The following SNW1 variants were observed in gnomAD, a reference collection of about 807,000 sequenced individuals.
SNW1 encodes the protein SNW domain containing 1.
A neutral mutation model predicts 75.6 loss-of-function variants in SNW1; 9 were observed. That is an observed-to-expected ratio of 0.12 (90% CI 0.07 to 0.21). SNW1 has a LOEUF of 0.21. SNW1 is among the 10% of genes least tolerant of loss of function. The pLI is 1.00. For synonymous variants in SNW1, 200 were observed against 219.1 expected (o/e 0.91, Z 0.77); for missense variants, 409 against 670.9 (o/e 0.61, Z 4.31).
At chr14:77,728,598 T>C (rs2080604597) in intron 10 of SNW1, among the ~76,000 whole-genome samples, 1 of 152,196 alleles carries the variant, frequency 6.6e-6, no homozygotes, top group East Asian at 1.9e-4. Context: ...TTCCACTGCA[T>C]TTATATCTAT....
chr14:77,756,955 C>T (rs974378202), intron 1 of SNW1, among the ~76,000 whole-genome samples: 3 of 152,164 alleles, frequency 2.0e-5, no homozygotes, highest in Non-Finnish European at 4.4e-5. Context: ...GCAGCTTATT[C>T]TTTAGTCAAG....
intron 1 of SNW1, among the ~76,000 whole-genome samples, chr14:77,759,682 A>G (rs1247993338): frequency 1.3e-5 from 2 of 152,130 alleles, no homozygotes; most frequent in East Asian, 1.9e-4. Flanking sequence ...AACATTTACT[A>G]AACAAACTCT....
In SNW1 at chr14:77,718,376, T is replaced by C; in HGVS notation, c.1403A>G (p.Lys468Arg). 1.2e-6 allele frequency: 2 copies of C among 1,614,226 alleles called. No individual in the cohort carries two copies. Among genetic ancestry groups the C allele is most frequent in the Non-Finnish European group, 1.7e-6 (2 of 1,180,034 alleles). The change falls in exon 13 of 14, where the codon AAG becomes AGG. Residue 468 changes from lysine (K) to arginine (R), a missense_variant. Physicochemically the swap from Lys to Arg is conservative, Grantham distance 26. This residue lies in a region of SNW1 where 126 missense variants were observed against 167.6 expected (regional missense o/e 0.75). Transcript: ENST00000261531. ...MYGDDLEARI[K>R]TNRFVPDKEF... ...TTGTATGGCTTGGCACCTGTTGGTC[T>C]TTATTCTGGCTTCTAGGTCATCACC...
chr14:77,739,062 C>CTAA lies in SNW1; in HGVS notation c.331-4_331-2dup. 6.2e-7 allele frequency: 1 copy of CTAA among 1,609,618 alleles called. No homozygotes were observed. Among genetic ancestry groups the CTAA allele is most frequent in the Non-Finnish European group, 8.5e-7 (1 of 1,176,692 alleles). On this transcript the variant is annotated splice_acceptor_variant, in intron 3 of 13. Transcript: ENST00000261531. LOFTEE classifies it high-confidence loss of function. ...GGTCAGTGTATTTGCTATAAATGAC[C>CTAA]TAAAATGTTCAAACACAAGCAGGCT...
intron 8 of SNW1, among the ~76,000 whole-genome samples, chr14:77,733,742 C>CAAAAAAAAAAAAAAAAAAAAA: frequency 1.5e-5 from 1 of 64,856 alleles, no homozygotes; most frequent in South Asian, 7.8e-4. Flanking sequence ...GAGACCGTCT[C>CAAAAAAAAAAAAAAAAAAAAA]AAAAAAAAAA....
rs2080888468 is a variant in SNW1 at position 77,761,127 on chromosome 14, TCTTCTTCCG to T, written c.-9_-1del. 1.2e-6 allele frequency: 2 copies of T among 1,614,230 alleles called. No homozygotes were observed. Among genetic ancestry groups the T allele is most frequent in the South Asian group, 2.2e-5 (2 of 91,080 alleles). ...TCAACAACCCACCTGGTGAGCGCCATCTTCTTCCGCTTCTTCCAGCGCGAGCGACAGCAC... is the reference window on the plus strand; with the variant it reads ...TCAACAACCCACCTGGTGAGCGCCATCTTCTTCCAGCGCGAGCGACAGCAC... On this transcript the variant is annotated 5_prime_UTR_variant, in exon 1 of 14. Transcript: ENST00000261531.
intron 8 of SNW1, among the ~76,000 whole-genome samples, chr14:77,733,422 A>G (rs116110293): frequency 0.011 from 1,600 of 152,260 alleles, 35 homozygotes; most frequent in African/African-American, 0.037. Flanking sequence ...ATGATCTGTT[A>G]TATTCTTAGA....
intron 3 of SNW1, among the ~76,000 whole-genome samples, chr14:77,741,968 C>T (rs2080722640): frequency 6.6e-6 from 1 of 152,052 alleles, no homozygotes; most frequent in Admixed American, 6.6e-5. Flanking sequence ...TCTAGTATCT[C>T]ACAAGGCTGA....
chr14:77,736,587 G>C (rs2080674596), intron 6 of SNW1, among the ~76,000 whole-genome samples: 1 of 135,906 alleles, frequency 7.4e-6, no homozygotes, highest in Admixed American at 7.1e-5. Flanking sequence ...AACAAAAAAA[G>C]GCAGCTTTAT....
chr14:77,746,423 G>A lies in SNW1; in HGVS notation c.330+4896C>T, dbSNP rs183909210. 7.9e-3 allele frequency among the ~76,000 whole-genome samples: 1,194 copies of A among 151,946 alleles called. 12 individuals carry two copies. The highest frequency in any genetic ancestry group is 0.028 in the African/African-American group (1,148 of 41,554). On this transcript the variant is annotated intron_variant, in intron 3 of 13. Transcript: ENST00000261531. ...TACTTGAGAAGTGTTAAGGAAATAA[G>A]ATCGTTCACAGAGAATAAATAGATG...
At position 77,754,034 on chromosome 14, in the gene SNW1, CTTTTTA is replaced by C. The variant is rs1448646112; in HGVS notation, c.168+927_168+932del. Among the ~76,000 whole-genome samples, 7 of 151,490 alleles carry C rather than the reference CTTTTTA, an allele frequency of 4.6e-5. No individual in the cohort carries two copies. In the South Asian group the frequency reaches 6.3e-4, roughly 14 times the overall value. On this transcript the variant is annotated intron_variant, in intron 2 of 13. Coordinates refer to ENST00000261531, the MANE Select transcript of SNW1 (RefSeq NM_012245.3). ...ATAGGTGCTGCCAAGGAAGCTTGTT[CTTTTTA>C]TTTTTATTTTTTATTTTTTTTGAGA...
intron 1 of SNW1, 126 bp downstream of exon 1, chr14:77,760,988 C>G (rs1196189473): frequency 1.1e-5 from 17 of 1,608,098 alleles, no homozygotes; most frequent in Non-Finnish European, 1.1e-5. Flanking sequence ...AGGGCGTAGC[C>G]GTAGTCTTGG....
At position 77,730,852 on chromosome 14, in the gene SNW1, A is replaced by T; in HGVS notation, c.1033+136T>A. 3.4e-6 allele frequency: 3 copies of T among 882,146 alleles called. 1 individual carries two copies. In the South Asian group the frequency reaches 5.4e-5, roughly 16 times the overall value. 54.6% of individuals were successfully genotyped at this position (882,146 alleles called of 1,614,324 possible). On this transcript the variant is annotated intron_variant, in intron 10 of 13. Transcript: ENST00000261531. ...CTTACTAAGGCAGAGATTACTCTCC[A>T]TTTCTACACTATATCTGATGTATCT... is the stretch of plus-strand genomic sequence containing the variant.
chr14:77,720,436 C>T (rs1007511994), intron 12 of SNW1: 17 of 694,448 alleles, frequency 2.4e-5, no homozygotes, highest in Middle Eastern at 2.3e-4. Context: ...TGCCTGGCCT[C>T]CCTGGTTCTA....
chr14:77,750,207 A>T (rs1401181090), intron 3 of SNW1, among the ~76,000 whole-genome samples: 1 of 152,220 alleles, frequency 6.6e-6, no homozygotes, highest in African/African-American at 2.4e-5. Flanking sequence ...TCTCAAAAAA[A>T]CAAATAAAAA....
At chr14:77,718,337 A>G in intron 13 of SNW1, 30 bp downstream of exon 13, 1 of 1,614,212 alleles carries the variant, frequency 6.2e-7, no homozygotes, top group South Asian at 1.1e-5. Flanking sequence ...ACCAGTGTAA[A>G]CACTGAAATT....
At chr14:77,734,851 C>A in intron 8 of SNW1, 96 bp downstream of exon 8, 2 of 783,672 alleles carry the variant, frequency 2.6e-6, no homozygotes, top group Non-Finnish European at 4.2e-6. Flanking sequence ...AGTTAAACCA[C>A]GTGTTGTTTC....
At chr14:77,741,540 G>GTAC in intron 3 of SNW1, among the ~76,000 whole-genome samples, 1 of 152,120 alleles carries the variant, frequency 6.6e-6, no homozygotes, top group African/African-American at 2.4e-5. Context: ...CACAAAACAC[G>GTAC]TACTACTGAT....
chr14:77,757,678 A>G (rs774874760), intron 1 of SNW1, among the ~76,000 whole-genome samples: 1 of 152,110 alleles, frequency 6.6e-6, no homozygotes, highest in African/African-American at 2.4e-5. Context: ...TCATTTAACT[A>G]TTCTGTTTTC....
Sources: gnomAD v4.1 joint callset for allele counts (sites outside exome capture counted in the v4.1 genomes callset) on GRCh38, gnomAD v4.1.1 for gene constraint, gnomAD v4.1.1 regional missense constraint, MANE v1.5 for transcripts, NCBI Gene and HGNC (gene_info 2026-07-23, HGNC 2026-07-21) for gene names.